UQCC1: variants seen among roughly 807,000 people sequenced by gnomAD.
The protein encoded by UQCC1 is ubiquinol-cytochrome c reductase complex assembly factor 1, also known as bFGF-repressed Zic-binding protein.
Under a neutral mutation model 48.0 loss-of-function variants are expected in UQCC1, and 38 were observed. That is an observed-to-expected ratio of 0.79 (90% CI 0.61 to 1.04). UQCC1 has a LOEUF of 1.04. Among genes scored for constraint, UQCC1 ranks in the 50% least tolerant of loss-of-function variants. The pLI, the probability that UQCC1 is intolerant of heterozygous loss-of-function variation, is 0.00. For missense variants in UQCC1, 368 were observed against 381.8 expected, an observed-to-expected ratio of 0.96 and a Z score of 0.30; for synonymous variants, 111 against 129.2, an observed-to-expected ratio of 0.86 and a Z score of 0.95.
intron 1 of UQCC1, among the ~76,000 whole-genome samples, chr20:35,397,114 C>A (rs1271473366): frequency 2.6e-5 from 4 of 151,158 alleles, no homozygotes; most frequent in Non-Finnish European, 4.4e-5. Flanking sequence ...ACGAGAATCA[C>A]TTGAACCCAG....
rs1032260087 is a variant in UQCC1 at position 35,325,601 on chromosome 20, T to C, written c.574-10836A>G. On this transcript the variant is annotated intron_variant, in intron 7 of 9. Coordinates refer to ENST00000374385, the MANE Select transcript of UQCC1 (RefSeq NM_018244.5). ...AACTGCTGTATTCTACTGTGGTATA[T>C]GCTGGAGGTAAAAAAATCAATAAAA... is the stretch of plus-strand genomic sequence containing the variant. 7.2e-5 allele frequency among the ~76,000 whole-genome samples: 11 copies of C among 152,288 alleles called. No individual in the cohort carries two copies. In the South Asian group the frequency reaches 1.2e-3, roughly 17 times the overall value.
chr20:35,354,624 T>C (rs2061525864), intron 6 of UQCC1, among the ~76,000 whole-genome samples: 1 of 151,982 alleles, frequency 6.6e-6, no homozygotes, highest in Admixed American at 6.6e-5. Context: ...TCTCATCTCC[T>C]GACCTCTTGA....
intron 1 of UQCC1, 102 bp from the exon 2 acceptor site, chr20:35,394,298 A>T (rs1160659091): frequency 1.7e-5 from 18 of 1,079,294 alleles, no homozygotes; most frequent in Non-Finnish European, 2.0e-5. Flanking sequence ...AGAAATATAT[A>T]TTTGGCCTTC....
intron 5 of UQCC1, among the ~76,000 whole-genome samples, chr20:35,370,867 G>A (rs1404347756): frequency 6.6e-6 from 1 of 152,166 alleles, no homozygotes; most frequent in Non-Finnish European, 1.5e-5. Context: ...TGTTATAGTG[G>A]AGAAATCCCT....
intron 8 of UQCC1, among the ~76,000 whole-genome samples, chr20:35,311,825 A>G (rs1020435226): frequency 4.6e-5 from 7 of 152,212 alleles, no homozygotes. Context: ...TGTCCCAGGT[A>G]ATTAGTATAT....
chr20:35,343,411 G>A (rs376909192), intron 7 of UQCC1, among the ~76,000 whole-genome samples: 26 of 152,254 alleles, frequency 1.7e-4, no homozygotes, highest in African/African-American at 5.3e-4. Flanking sequence ...CCCTAGCCAC[G>A]TGTCCCATTT....
chr20:35,346,712 A>G (rs2061435494), intron 7 of UQCC1: 1 of 284,214 alleles, frequency 3.5e-6, no homozygotes, highest in East Asian at 6.9e-5. Flanking sequence ...AGACTCTTCT[A>G]GGTTGCCAGT....
At chr20:35,383,389 T>C (rs2061899792) in intron 3 of UQCC1, among the ~76,000 whole-genome samples, 4 of 152,330 alleles carry the variant, frequency 2.6e-5, no homozygotes, top group African/African-American at 2.4e-5. Flanking sequence ...ACATAGGACA[T>C]AGCCTCAGAA....
chr20:35,389,357 G>A (rs2061985849), intron 2 of UQCC1, among the ~76,000 whole-genome samples: 1 of 152,054 alleles, frequency 6.6e-6, no homozygotes, highest in Non-Finnish European at 1.5e-5. Flanking sequence ...AAGGTCAGGA[G>A]ATGAAGGCCA....
At chr20:35,402,783 A>AC (rs1368094937) in intron 1 of UQCC1, among the ~76,000 whole-genome samples, 1 of 148,184 alleles carries the variant, frequency 6.7e-6, no homozygotes, top group Non-Finnish European at 1.5e-5. Flanking sequence ...ACAGAGTGAG[A>AC]CCCCATCTCA....
At chr20:35,324,948 T>C (rs944594465) in intron 7 of UQCC1, among the ~76,000 whole-genome samples, 5 of 152,180 alleles carry the variant, frequency 3.3e-5, no homozygotes, top group African/African-American at 1.2e-4. Context: ...AAGTGTCCAA[T>C]GACAGGGATA....
chr20:35,393,570 G>A (rs1359774587), intron 2 of UQCC1, among the ~76,000 whole-genome samples: 3 of 150,914 alleles, frequency 2.0e-5, no homozygotes, highest in Non-Finnish European at 4.4e-5. Flanking sequence ...AAATACTGAC[G>A]TTTTCAGATT....
At chr20:35,365,018 TC>T (rs2061650673) in intron 6 of UQCC1, among the ~76,000 whole-genome samples, 1 of 152,150 alleles carries the variant, frequency 6.6e-6, no homozygotes, top group Non-Finnish European at 1.5e-5. Context: ...AAGCACTTTT[TC>T]CCTTCAATAT....
At chr20:35,338,856 GAAAA>G (rs1172467457) in intron 7 of UQCC1, among the ~76,000 whole-genome samples, 18 of 26,832 alleles carry the variant, frequency 6.7e-4, no homozygotes, top group African/African-American at 3.8e-3. Flanking sequence ...CGTCTCAAAA[GAAAA>G]AAAAAAAAAA....
chr20:35,356,007 C>G (rs1046379470), intron 6 of UQCC1, among the ~76,000 whole-genome samples: 1 of 152,100 alleles, frequency 6.6e-6, no homozygotes, highest in East Asian at 1.9e-4. Flanking sequence ...CCTCAGCCTC[C>G]CAAGTAGCTG....
At chr20:35,355,478 C>T (rs941665) in intron 6 of UQCC1, among the ~76,000 whole-genome samples, 113,221 of 152,122 alleles carry the variant, frequency 0.74, 42,591 homozygotes, top group East Asian at 0.89. Flanking sequence ...GACAGAAAAG[C>T]AGTCCTGTTG....
chr20:35,393,685 G>A (rs2062039606), intron 2 of UQCC1, among the ~76,000 whole-genome samples: 1 of 152,108 alleles, frequency 6.6e-6, no homozygotes, highest in African/African-American at 2.4e-5. Flanking sequence ...TAATGATTAG[G>A]TGGTCAATGG....
chr20:35,367,793 C>T (rs771555719), intron 5 of UQCC1, among the ~76,000 whole-genome samples: 11 of 151,758 alleles, frequency 7.2e-5, no homozygotes, highest in Non-Finnish European at 1.6e-4. Flanking sequence ...AAAGATCAGG[C>T]GAAAAAAATC....
intron 6 of UQCC1, among the ~76,000 whole-genome samples, chr20:35,355,147 C>T (rs925277506): frequency 1.3e-5 from 2 of 152,130 alleles, no homozygotes; most frequent in African/African-American, 2.4e-5. Flanking sequence ...AAACTCCACA[C>T]AGGCAGTGGC....
Sources: gnomAD v4.1 joint callset for allele counts (sites outside exome capture counted in the v4.1 genomes callset) on GRCh38, gnomAD v4.1.1 for gene constraint, MANE v1.5 for transcripts, NCBI Gene and HGNC (gene_info 2026-07-23, HGNC 2026-07-21) for gene names.